EXT2: variants seen among roughly 807,000 people sequenced by gnomAD.
EXT2 encodes the protein exostosin-2.
A neutral mutation model predicts 81.6 loss-of-function variants in EXT2; 53 were observed. The ratio of observed to expected loss-of-function variants is 0.65; its 90% CI spans 0.52 to 0.82. The LOEUF (loss-of-function observed/expected upper bound fraction) is 0.82, where lower values mean the gene tolerates loss of function less well. Ranked by LOEUF, EXT2 falls within the 40% of genes least tolerant of loss-of-function variation. The probability of loss-of-function intolerance (pLI) is 0.00; values close to 1 mark genes in which losing one functional copy is unlikely to be tolerated. For synonymous variants in EXT2, 320 were observed against 340.0 expected (o/e 0.94, Z 0.65); for missense variants, 774 against 910.2 (o/e 0.85, Z 1.93).
chr11:44,116,721 T>A (rs1245531082), intron 4 of EXT2: 1 of 152,240 alleles, frequency 6.6e-6, no homozygotes, highest in African/African-American at 2.4e-5. Context: ...TGAAGTCATA[T>A]CTTCATTGTG....
At chr11:44,165,419 C>T (rs560402855) in intron 7 of EXT2, among the ~76,000 whole-genome samples, 6 of 152,322 alleles carry the variant, frequency 3.9e-5, no homozygotes, top group Admixed American at 1.3e-4. Flanking sequence ...ACAATTAAGC[C>T]TGAGAAGTTC....
intron 10 of EXT2, among the ~76,000 whole-genome samples, chr11:44,223,952 G>A (rs946702510): frequency 1.3e-5 from 2 of 152,130 alleles, no homozygotes; most frequent in African/African-American, 2.4e-5. Flanking sequence ...CACCTGGCCC[G>A]ACAATTGTGT....
intron 7 of EXT2, among the ~76,000 whole-genome samples, chr11:44,150,816 G>A (rs967345036): frequency 1.1e-4 from 16 of 152,200 alleles, no homozygotes; most frequent in African/African-American, 3.4e-4. Context: ...TTATACAACA[G>A]CTGTAGTATT....
chr11:44,187,095 C>T (rs921312076), intron 8 of EXT2, among the ~76,000 whole-genome samples: 28 of 144,908 alleles, frequency 1.9e-4, no homozygotes, highest in African/African-American at 6.3e-4. Context: ...CCTTCTGCAG[C>T]GGCACAATCA....
intron 7 of EXT2, among the ~76,000 whole-genome samples, chr11:44,133,699 T>A (rs1317075006): frequency 1.3e-5 from 2 of 152,110 alleles, no homozygotes; most frequent in African/African-American, 4.8e-5. Context: ...AGAAAGAAAA[T>A]CCTGCTTAGC....
At chr11:44,145,469 C>T (rs752236954) in intron 7 of EXT2, among the ~76,000 whole-genome samples, 5 of 152,086 alleles carry the variant, frequency 3.3e-5, no homozygotes, top group Admixed American at 6.6e-5. Flanking sequence ...CCTGTTTCTA[C>T]CATTGTCTTG....
At chr11:44,122,346 T>C (rs1954330598) in intron 4 of EXT2, among the ~76,000 whole-genome samples, 1 of 152,060 alleles carries the variant, frequency 6.6e-6, no homozygotes, top group Non-Finnish European at 1.5e-5. Flanking sequence ...GCTTGTCTTG[T>C]GGGTTTGACT....
chr11:44,231,696 T>G (rs1301181720), intron 10 of EXT2, among the ~76,000 whole-genome samples: 1 of 152,184 alleles, frequency 6.6e-6, no homozygotes, highest in East Asian at 1.9e-4. Flanking sequence ...AAGGTTAGAC[T>G]AAATTATACA....
intron 7 of EXT2, among the ~76,000 whole-genome samples, chr11:44,131,193 T>C (rs1210232336): frequency 6.6e-6 from 1 of 152,236 alleles, no homozygotes; most frequent in Non-Finnish European, 1.5e-5. Flanking sequence ...CTTTTCAGCT[T>C]CCACATTCTG....
At chr11:44,130,955 C>G (rs552114722) in intron 7 of EXT2, among the ~76,000 whole-genome samples, 16 of 152,336 alleles carry the variant, frequency 1.1e-4, no homozygotes, top group African/African-American at 3.1e-4. Flanking sequence ...TGGCCATGTC[C>G]CAAGAACAGG....
intron 13 of EXT2, among the ~76,000 whole-genome samples, chr11:44,239,454 G>A (rs901743363): frequency 4.2e-5 from 6 of 143,446 alleles, no homozygotes; most frequent in African/African-American, 1.6e-4. Flanking sequence ...GTTCAGTGGT[G>A]CAATCTCGGC....
At chr11:44,230,590 C>T (rs1955886894) in intron 10 of EXT2, among the ~76,000 whole-genome samples, 1 of 152,086 alleles carries the variant, frequency 6.6e-6, no homozygotes, top group African/African-American at 2.4e-5. Flanking sequence ...TAGACTTGCA[C>T]AGGGGGGAAG....
intron 4 of EXT2, chr11:44,116,865 A>G (rs1954227961): frequency 6.6e-6 from 1 of 152,008 alleles, no homozygotes; most frequent in Non-Finnish European, 1.5e-5. Context: ...TTGTCCTTTT[A>G]TCGTAGAGCT....
intron 7 of EXT2, among the ~76,000 whole-genome samples, chr11:44,160,935 T>C (rs961310505): frequency 2.0e-5 from 3 of 152,242 alleles, no homozygotes; most frequent in African/African-American, 7.2e-5. Flanking sequence ...TTCACATTTG[T>C]ATCCTTTTTC....
At chr11:44,150,267 A>G (rs143197075) in intron 7 of EXT2, among the ~76,000 whole-genome samples, 67 of 150,972 alleles carry the variant, frequency 4.4e-4, no homozygotes, top group African/African-American at 1.6e-3. Flanking sequence ...TTAGTATGGC[A>G]CAGAGTTTCA....
At position 44,171,709 on chromosome 11, in the gene EXT2, C is replaced by G; in HGVS notation, c.1272C>G (p.Ile424Met). 1 of 1,614,082 alleles carries G rather than the reference C, an allele frequency of 6.2e-7. No individual in the cohort carries two copies. Among genetic ancestry groups the G allele is most frequent in the Non-Finnish European group, 8.5e-7 (1 of 1,179,950 alleles). ...ACCGGATCTATCCATATGCTGCCAT[C>G]TCCTATGAAGAATGGAATGACCCTC... ...INDRIYPYAAISYEEWNDPPA... is the reference protein window; with the variant it reads ...INDRIYPYAAMSYEEWNDPPA... Residue 424 changes from isoleucine to methionine, a missense_variant, in exon 8 of 14, where the codon ATC becomes ATG. By Grantham distance (10) the Ile-to-Met change is conservative (BLOSUM62 1). Around this residue, in one of 2 missense-constraint regions of EXT2, gnomAD observed 626 missense variants for 670.5 expected, o/e 0.93. Transcript: ENST00000533608.
At chr11:44,110,962 TG>T (rs1455542864) in intron 3 of EXT2, among the ~76,000 whole-genome samples, 5 of 152,346 alleles carry the variant, frequency 3.3e-5, no homozygotes, top group Admixed American at 2.0e-4. Context: ...ATAGTAGATT[TG>T]TTTGTTAATT....
At position 44,220,526 on chromosome 11, in the gene EXT2, T is replaced by C. The variant is rs141182700; in HGVS notation, c.1663-11827T>C. On this transcript the variant is annotated intron_variant, in intron 10 of 13. Coordinates refer to ENST00000533608, the MANE Select transcript of EXT2 (RefSeq NM_207122.2). This position sits in a 1 kb window ranked among gnomAD's most constrained non-coding sequence, Gnocchi z 4.4. The stretch of plus-strand genomic sequence containing the variant: ...CACAAACAGCTCATTTCTGTGAGTG[T>C]TCCCACCTGTCAGGTACAGTTAGAG... Among the ~76,000 whole-genome samples the C allele has an allele frequency of 6.6e-6, 1 of 152,350 alleles. No homozygotes were observed. Among genetic ancestry groups the C allele is most frequent in the African/African-American group, 2.4e-5 (1 of 41,578 alleles).
Position 44,251,545 on chromosome 11 carries a change from A to G in EXT2, c.*7258A>G, listed in dbSNP as rs1469274722. Among the ~76,000 whole-genome samples, 7 of 152,304 alleles carry G rather than the reference A, an allele frequency of 4.6e-5. No homozygotes were observed. The South Asian group carries it at 1.0e-3, about 23-fold the overall frequency. On this transcript the variant is annotated 3_prime_UTR_variant, in exon 14 of 14. Transcript: ENST00000533608. ...TTGTTTCACACCTTGGGCTGTGACT[A>G]TTTACTTCTCGGTACAGATTACTCT...
Sources: gnomAD v4.1 joint callset for allele counts (sites outside exome capture counted in the v4.1 genomes callset) on GRCh38, gnomAD v4.1.1 for gene constraint, gnomAD v4.1.1 regional missense constraint, Gnocchi (gnomAD v3.1) non-coding constraint, MANE v1.5 for transcripts, NCBI Gene and HGNC (gene_info 2026-07-23, HGNC 2026-07-21) for gene names.